The following ASIC5 variants were observed in gnomAD, a reference collection of about 807,000 sequenced individuals.
ASIC5 encodes acid sensing ion channel subunit family member 5.
A neutral mutation model predicts 51.2 loss-of-function variants in ASIC5; 52 were observed. That is an observed-to-expected ratio of 1.02 (90% CI 0.81 to 1.28). The LOEUF (loss-of-function observed/expected upper bound fraction) is 1.28, where lower values mean the gene tolerates loss of function less well. Among genes scored for constraint, ASIC5 ranks in the 50% most tolerant of loss-of-function variants. ASIC5 has a pLI of 0.00. For missense variants in ASIC5, 635 were observed against 595.0 expected (o/e 1.07, Z -0.70); for synonymous variants, 231 against 200.7 (o/e 1.15, Z -1.28).
In ASIC5 at chr4:155,838,829, A is replaced by T. The variant is rs1471431821; in HGVS notation, c.1050T>A (p.Cys350Ter). 23 of 1,587,296 alleles carry T rather than the reference A, an allele frequency of 1.4e-5. No individual in the cohort carries two copies. Among genetic ancestry groups the T allele is most frequent in the Non-Finnish European group, 2.0e-5 (23 of 1,157,232 alleles). Residue 350 changes from cysteine to a stop codon, truncating the protein, a stop_gained, in exon 7 of 10, where the codon TGT (cysteine) becomes TGA (stop). Transcript: ENST00000537611. LOFTEE classifies it high-confidence loss of function. ...AGCACTTACCAAGTACAGGAGAAAC[A>T]CAGCTGAAGTACTTTTGTAGGTCAC... is the stretch of plus-strand genomic sequence containing the variant. ...IECDLQKYFS[C>*]VSPVLDHIEF...
chr4:155,831,499 T>C (rs6536098), intron 9 of ASIC5, among the ~76,000 whole-genome samples: 36,785 of 152,126 alleles, frequency 0.24, 6,360 homozygotes, highest in African/African-American at 0.49. Context: ...AGGCCGGGCA[T>C]GGTGGCTCAT....
chr4:155,836,370 G>C (rs181391436), intron 8 of ASIC5, among the ~76,000 whole-genome samples: 29 of 152,238 alleles, frequency 1.9e-4, no homozygotes, highest in Admixed American at 1.4e-3. Flanking sequence ...TAATGTACAG[G>C]TAGGAAATTT....
At chr4:155,835,154 A>G (rs1039039876) in intron 8 of ASIC5, among the ~76,000 whole-genome samples, 4 of 152,114 alleles carry the variant, frequency 2.6e-5, no homozygotes, top group African/African-American at 9.7e-5. Flanking sequence ...GGGTCCATTG[A>G]GCTGATTAAC....
chr4:155,842,328 T>C lies in ASIC5; in HGVS notation c.888A>G (p.Gly296=). The C allele has an allele frequency of 6.2e-7, 1 of 1,613,146 alleles. No individual in the cohort carries two copies. Among genetic ancestry groups the C allele is most frequent in the Non-Finnish European group, 8.5e-7 (1 of 1,179,426 alleles). The change falls in exon 6 of 10, where the codon GGA becomes GGG. Residue 296 remains glycine, a synonymous_variant. Coordinates refer to ENST00000537611, the MANE Select transcript of ASIC5 (RefSeq NM_017419.3). ...VKTVHQEYPW[G]ECNPNIKLQN... is the part of the protein sequence containing the mutation. ...GCAGCTTGATGTTAGGATTGCATTC[T>C]CCCCAAGGGTATTCTTGATGAACTG...
intron 2 of ASIC5, chr4:155,854,758 C>G (rs1371961408): frequency 6.3e-6 from 1 of 159,590 alleles, no homozygotes; most frequent in African/African-American, 2.4e-5. Context: ...ACCCACACTG[C>G]AATCCATCTG....
At chr4:155,837,954 G>A (rs1037055572) in intron 7 of ASIC5, among the ~76,000 whole-genome samples, 6 of 152,052 alleles carry the variant, frequency 3.9e-5, no homozygotes, top group Admixed American at 2.0e-4. Context: ...ACAAGGATAA[G>A]AAATCTGAAG....
chr4:155,841,346 A>C (rs372783711), intron 6 of ASIC5, among the ~76,000 whole-genome samples: 49 of 152,258 alleles, frequency 3.2e-4, no homozygotes, highest in African/African-American at 1.1e-3. Context: ...GCCAGGCACT[A>C]TTTGAACCAC....
rs745400220 is a variant in ASIC5 at position 155,863,634 on chromosome 4, A to G, written c.161T>C (p.Val54Ala). The change falls in exon 2 of 10, where the codon GTT (valine) becomes GCT (alanine). Residue 54 changes from valine to alanine, a missense_variant. Physicochemically the swap from Val to Ala is moderately conservative, Grantham distance 64. Transcript: ENST00000537611. The part of the protein sequence containing the change: ...STSFHGIHNI[V>A]QNRSKIRRVL... ...CCTGCGAATTTTGCTCCGGTTCTGA[A>G]CAATATTGTGTATCCCATGAAAGGA... is the stretch of plus-strand genomic sequence containing the variant. 2.5e-6 allele frequency: 4 copies of G among 1,613,862 alleles called. No individual in the cohort carries two copies. In the East Asian group the frequency reaches 6.7e-5, roughly 27 times the overall value.
chr4:155,858,704 G>A (rs1346722921), intron 2 of ASIC5: 1 of 152,054 alleles, frequency 6.6e-6, no homozygotes, highest in East Asian at 1.9e-4. Context: ...AAAGGGGAGG[G>A]TGGATAATAA....
rs151079429 is a variant in ASIC5 at position 155,863,529 on chromosome 4, G to A, written c.266C>T (p.Thr89Ile). 1.5e-5 allele frequency: 24 copies of A among 1,613,796 alleles called. No homozygotes were observed. Among genetic ancestry groups the A allele is most frequent in the Non-Finnish European group, 2.0e-5 (24 of 1,179,872 alleles). ...CTCAATGGACGTTGTGGTTGGCCATGTGAAGTAGTTGAGCAAGCGAATGTA... is the reference window on the plus strand; with the variant it reads ...CTCAATGGACGTTGTGGTTGGCCATATGAAGTAGTTGAGCAAGCGAATGTA... The part of the protein sequence containing the change: ...QIYIRLLNYF[T>I]WPTTTSIEVQ... Residue 89 changes from threonine to isoleucine, a missense_variant, in exon 2 of 10, where the codon ACA becomes ATA. Thr to Ile is a moderately conservative substitution (Grantham distance 89). Coordinates refer to ENST00000537611, the MANE Select transcript of ASIC5 (RefSeq NM_017419.3).
chr4:155,843,589 G>T (rs1213782060), intron 5 of ASIC5, 92 bp downstream of exon 5: 3 of 1,399,488 alleles, frequency 2.1e-6, no homozygotes, highest in Non-Finnish European at 3.0e-6. Flanking sequence ...TGTTTTACAG[G>T]CATGGGAGAA....
At chr4:155,857,747 C>T (rs1279109259) in intron 2 of ASIC5, among the ~76,000 whole-genome samples, 2 of 152,052 alleles carry the variant, frequency 1.3e-5, no homozygotes, top group Non-Finnish European at 2.9e-5. Context: ...ATTTCTCGTA[C>T]ATTTTACAGA....
In ASIC5 at chr4:155,854,201, G is replaced by A; in HGVS notation, c.461C>T (p.Ala154Val). 6.2e-7 allele frequency: 1 copy of A among 1,613,232 alleles called. No individual in the cohort carries two copies. Among genetic ancestry groups the A allele is most frequent in the Non-Finnish European group, 8.5e-7 (1 of 1,179,478 alleles). ...TTGGTGACTTGCAGCAAAATCAGTA[G>A]CCTCTCTAGAGCCAGTGGAATTGGC... ...ITANSTGSRE[A>V]TDFAASHQNF... Residue 154 changes from alanine to valine, a missense_variant, in exon 3 of 10, where the codon GCT (alanine) becomes GTT (valine). Transcript: ENST00000537611.
In ASIC5 at chr4:155,863,565, G is replaced by T; in HGVS notation, c.230C>A (p.Thr77Lys). ...VVVLGSVSLV[T>K]WQIYIRLLNY... Reference sequence around the variant, plus strand: ...GAGCAAGCGAATGTAGATCTGCCATGTCACAAGTGAGACTGAGCCCAGAAC... The same window carrying T: ...GAGCAAGCGAATGTAGATCTGCCATTTCACAAGTGAGACTGAGCCCAGAAC... The change falls in exon 2 of 10, where the codon ACA (threonine) becomes AAA (lysine). Residue 77 changes from threonine to lysine, a missense_variant. Thr to Lys is a moderately conservative substitution (Grantham distance 78). Coordinates refer to ENST00000537611, the MANE Select transcript of ASIC5 (RefSeq NM_017419.3). The T allele has an allele frequency of 5.0e-6, 8 of 1,613,816 alleles. No homozygotes were observed. Among genetic ancestry groups the T allele is most frequent in the Non-Finnish European group, 6.8e-6 (8 of 1,179,896 alleles).
chr4:155,856,421 A>G (rs1695741743), intron 2 of ASIC5, among the ~76,000 whole-genome samples: 1 of 152,070 alleles, frequency 6.6e-6, no homozygotes, highest in Non-Finnish European at 1.5e-5. Context: ...CCAACATTAC[A>G]TACTCTTTAA....
chr4:155,844,467 C>A (rs955364142), intron 4 of ASIC5, among the ~76,000 whole-genome samples: 1 of 152,084 alleles, frequency 6.6e-6, no homozygotes, highest in Non-Finnish European at 1.5e-5. Context: ...TTCTTTCTTG[C>A]AAATTCTTTT....
At chr4:155,853,300 C>T (rs939515572) in intron 3 of ASIC5, among the ~76,000 whole-genome samples, 2 of 151,754 alleles carry the variant, frequency 1.3e-5, no homozygotes, top group Admixed American at 1.3e-4. Context: ...TGTGCTAAGG[C>T]GGCCTACCAA....
At chr4:155,844,209 A>G (rs1451575007) in intron 4 of ASIC5, among the ~76,000 whole-genome samples, 5 of 152,070 alleles carry the variant, frequency 3.3e-5, no homozygotes. Context: ...AGCCCAAACC[A>G]ATAGGACGAT....
At chr4:155,835,252 G>A (rs1246106165) in intron 8 of ASIC5, among the ~76,000 whole-genome samples, 1 of 152,078 alleles carries the variant, frequency 6.6e-6, no homozygotes, top group Non-Finnish European at 1.5e-5. Flanking sequence ...CCATGGGGTA[G>A]GAGCCCAAAG....
Sources: allele counts gnomAD v4.1 joint callset (sites outside exome capture counted in the v4.1 genomes callset), GRCh38; gene constraint gnomAD v4.1.1; transcripts MANE v1.5; gene names NCBI Gene and HGNC (gene_info 2026-07-23, HGNC 2026-07-21).